The following LRP1 variants were observed in gnomAD, a reference collection of about 807,000 sequenced individuals.
LRP1 encodes LDL receptor related protein 1.
In LRP1, 51 loss-of-function variants were observed where a neutral mutation model predicts 541.5. That is an observed-to-expected ratio of 0.09 (90% CI 0.08 to 0.12). The LOEUF (loss-of-function observed/expected upper bound fraction) is 0.12. Ranked by LOEUF, LRP1 falls within the 10% of genes least tolerant of loss-of-function variation. LRP1 has a pLI of 1.00. For synonymous variants in LRP1, 2,219 were observed against 2,470.8 expected (o/e 0.90, Z 3.02); for missense variants, 3,878 against 6,376.2 (o/e 0.61, Z 13.34).
chr12:57,186,256 AG>A (rs2036269256), intron 41 of LRP1, among the ~76,000 whole-genome samples: 1 of 152,138 alleles, frequency 6.6e-6, no homozygotes, highest in African/African-American at 2.4e-5. Context: ...GCCAAGCCTG[AG>A]CCTTCTCATC....
Position 57,156,868 on chromosome 12 carries a change from C to G in LRP1, c.1509C>G (p.Thr503=), listed in dbSNP as rs1340566774. 6.3e-7 allele frequency: 1 copy of G among 1,599,690 alleles called. No individual in the cohort carries two copies. The highest frequency in any genetic ancestry group is 8.5e-7 in the Non-Finnish European group (1 of 1,174,070). The stretch of plus-strand genomic sequence containing the variant: ...TGGCCAACAGCCACAAGGCGCGGAC[C>G]TGCCGCTGCCGTTCCGGCTTCAGCC... ...CLLANSHKAR[T]CRCRSGFSLG... is the part of the protein sequence containing the mutation. Residue 503 remains threonine (T), a synonymous_variant, in exon 10 of 89, where the codon ACC becomes ACG. Coordinates refer to ENST00000243077, the MANE Select transcript of LRP1 (RefSeq NM_002332.3). The surrounding 1 kb of genome is among the most constrained non-coding windows in gnomAD (Gnocchi z 5.2).
Position 57,198,138 on chromosome 12 carries a change from C to T in LRP1, c.9283-18C>T. 1 of 1,591,456 alleles carries T rather than the reference C, an allele frequency of 6.3e-7. No homozygotes were observed. Among genetic ancestry groups the T allele is most frequent in the South Asian group, 1.1e-5 (1 of 90,500 alleles). On this transcript the variant is annotated intron_variant, in intron 58 of 88. Transcript: ENST00000243077. ...CCCAGGTCACCCAGAGCTCTCCCTC[C>T]CCTGCCCCTTCCTGCAGGTCCTACA...
At position 57,184,974 on chromosome 12, in the gene LRP1, A is replaced by G. The variant is rs2036239877; in HGVS notation, c.6322A>G (p.Ile2108Val). The G allele has an allele frequency of 1.2e-6, 2 of 1,614,114 alleles. No individual in the cohort carries two copies. Among genetic ancestry groups the G allele is most frequent in the South Asian group, 1.1e-5 (1 of 91,080 alleles). ...TTCAGTGTCTGTGTTTGAGGATTTC[A>G]TCTACTGGAGTGACAGGTGAGGGCT... ...MFSVSVFEDFIYWSDRTHANG... is the reference protein window; with the variant it reads ...MFSVSVFEDFVYWSDRTHANG... The change falls in exon 39 of 89, where the codon ATC (isoleucine) becomes GTC (valine). Residue 2108 changes from isoleucine (I) to valine (V), a missense_variant. Physicochemically the swap from Ile to Val is conservative, Grantham distance 29. Around this residue, in one of 13 missense-constraint regions of LRP1, gnomAD observed 1,100 missense variants for 1,827.4 expected, o/e 0.60. Transcript: ENST00000243077. The surrounding 1 kb of genome is among the most constrained non-coding windows in gnomAD (Gnocchi z 7.8).
Position 57,204,384 on chromosome 12 carries a change from T to A in LRP1, c.10952-26T>A. 2.6e-6 allele frequency: 4 copies of A among 1,512,634 alleles called. No individual in the cohort carries two copies. The highest frequency in any genetic ancestry group is 3.5e-6 in the Non-Finnish European group (4 of 1,129,628). 93.7% of individuals were successfully genotyped at this position (1,512,634 alleles called of 1,614,324 possible). A position where few individuals can be genotyped will look rare whatever the true frequency, so the allele number is the denominator to read the frequency against. ...GTCTGGGTGGGCTCATGGCTCATTC[T>A]ATCTCTTGGCTCCCCCTGGCACCAG... On this transcript the variant is annotated intron_variant, in intron 70 of 88. Transcript: ENST00000243077. This position sits in a 1 kb window ranked among gnomAD's most constrained non-coding sequence, Gnocchi z 5.3.
In LRP1 at chr12:57,144,818, G is replaced by A. The variant is rs2035366384; in HGVS notation, c.449-154G>A. On this transcript the variant is annotated intron_variant, in intron 4 of 88. Coordinates refer to ENST00000243077, the MANE Select transcript of LRP1 (RefSeq NM_002332.3). ...GATTCCAAGACTGGACTTGCTGGGT[G>A]TTAAGGTTTGCACATTTCATGCTGT... 6 of 735,306 alleles carry A rather than the reference G, an allele frequency of 8.2e-6. No individual in the cohort carries two copies. In the East Asian group the frequency reaches 1.3e-4, roughly 15 times the overall value. 45.5% of individuals were successfully genotyped at this position (735,306 alleles called of 1,614,324 possible). A position where few individuals can be genotyped will look rare whatever the true frequency, so the allele number is the denominator to read the frequency against.
intron 10 of LRP1, among the ~76,000 whole-genome samples, chr12:57,157,337 G>A (rs775740947): frequency 3.9e-5 from 6 of 152,230 alleles, no homozygotes; most frequent in Non-Finnish European, 7.3e-5. Context: ...ATAGTCAGGC[G>A]TGGTGGCTTA....
Position 57,212,211 on chromosome 12 carries a change from G to A in LRP1, c.13444G>A (p.Asp4482Asn). 2 of 1,613,978 alleles carry A rather than the reference G, an allele frequency of 1.2e-6. No individual in the cohort carries two copies. Among genetic ancestry groups the A allele is most frequent in the Non-Finnish European group, 1.7e-6 (2 of 1,180,022 alleles). ...CAAGATGTACGAAGGCGGAGAGCCT[G>A]ATGATGTGGGAGGCCTACTGGACGC... is the stretch of plus-strand genomic sequence containing the variant. ...TYKMYEGGEP[D>N]DVGGLLDADF... The change falls in exon 88 of 89, where the codon GAT becomes AAT. Residue 4482 changes from aspartate to asparagine, a missense_variant. Physicochemically the swap from Asp to Asn is conservative, Grantham distance 23. Around this residue, in one of 13 missense-constraint regions of LRP1, gnomAD observed 871 missense variants for 1,212.4 expected, o/e 0.72. Transcript: ENST00000243077. The surrounding 1 kb of genome is among the most constrained non-coding windows in gnomAD (Gnocchi z 5.0).
chr12:57,154,363 G>A lies in LRP1; in HGVS notation c.997G>A (p.Ala333Thr). The change falls in exon 7 of 89, where the codon GCC becomes ACC. Residue 333 changes from alanine to threonine, a missense_variant. This residue lies in a region of LRP1 where 496 missense variants were observed against 861.0 expected (regional missense o/e 0.58). Transcript: ENST00000243077. This position sits in a 1 kb window ranked among gnomAD's most constrained non-coding sequence, Gnocchi z 4.6. Reference protein sequence around the residue: ...YNPKGIALDPAMGKVFFTDYG... With the variant: ...YNPKGIALDPTMGKVFFTDYG... ...CCCCAAGGGCATTGCCCTGGACCCT[G>A]CCATGGGGTGAGAGTGGCAGGCGGG... 1 of 1,609,498 alleles carries A rather than the reference G, an allele frequency of 6.2e-7. No individual in the cohort carries two copies. Among genetic ancestry groups the A allele is most frequent in the South Asian group, 1.1e-5 (1 of 91,014 alleles).
chr12:57,193,990 C>A lies in LRP1; in HGVS notation c.7896C>A (p.Asp2632Glu), dbSNP rs149099223. 1,158 of 1,614,184 alleles carry A rather than the reference C, an allele frequency of 7.2e-4. 4 individuals are homozygous for A. The highest frequency in any genetic ancestry group is 1.2e-3 in the Admixed American group (74 of 60,024). Residue 2632 changes from aspartate (D) to glutamate (E), a missense_variant, in exon 48 of 89, where the codon GAC becomes GAA. Asp to Glu is a conservative substitution (Grantham distance 45). Transcript: ENST00000243077. ...SRCNQFVDCE[D>E]ASDEMNCSAT... is the part of the protein sequence containing the mutation. ...GCAACCAGTTTGTGGATTGTGAGGA[C>A]GCCTCAGATGAGATGAACTGCAGTG...
rs752770422 is a variant in LRP1 at position 57,159,941 on chromosome 12, C to T, written c.1915C>T (p.Arg639Cys). 18 of 1,614,006 alleles carry T rather than the reference C, an allele frequency of 1.1e-5. No individual in the cohort carries two copies. The highest frequency in any genetic ancestry group is 2.2e-5 in the South Asian group (2 of 91,090). The part of the protein sequence containing the change: ...VARLEKAAQT[R>C]KTLIEGKMTH... ...CAGGCTGGAGAAAGCTGCTCAGACC[C>T]GCAAGACTTTAATCGAGGGCAAAAT... Residue 639 changes from arginine (R) to cysteine (C), a missense_variant, in exon 12 of 89, where the codon CGC (arginine) becomes TGC (cysteine). By Grantham distance (180) the Arg-to-Cys change is radical. Transcript: ENST00000243077.
At position 57,166,108 on chromosome 12, in the gene LRP1, G is replaced by A; in HGVS notation, c.2696G>A (p.Arg899Gln). The A allele has an allele frequency of 6.2e-7, 1 of 1,614,206 alleles. No homozygotes were observed. Among genetic ancestry groups the A allele is most frequent in the Non-Finnish European group, 8.5e-7 (1 of 1,180,046 alleles). Residue 899 changes from arginine to glutamine, a missense_variant, in exon 17 of 89, where the codon CGA becomes CAA. Around this residue, in one of 13 missense-constraint regions of LRP1, gnomAD observed 496 missense variants for 861.0 expected, o/e 0.58. Transcript: ENST00000243077. ...GATCAGCACACCTGCCCCTCGGACC[G>A]ATTCAAGTGCGAGAACAACCGGTGC... ...LCHQHTCPSD[R>Q]FKCENNRCIP...
chr12:57,193,927 C>T lies in LRP1; in HGVS notation c.7833C>T (p.Arg2611=), dbSNP rs754484335. The change falls in exon 48 of 89, where the codon CGC becomes CGT. Residue 2611 remains arginine, a synonymous_variant. Coordinates refer to ENST00000243077, the MANE Select transcript of LRP1 (RefSeq NM_002332.3). The part of the protein sequence containing the change: ...NKTACGVGEF[R]CRDGTCIGNS... The stretch of plus-strand genomic sequence containing the variant: ...CAGCCTGTGGTGTGGGCGAGTTCCG[C>T]TGCCGGGACGGGACCTGCATCGGGA... 1.9e-6 allele frequency: 3 copies of T among 1,614,030 alleles called. No homozygotes were observed. The highest frequency in any genetic ancestry group is 4.5e-5 in the East Asian group (2 of 44,896).
chr12:57,160,551 C>G (rs1299579145), intron 12 of LRP1, among the ~76,000 whole-genome samples: 1 of 152,142 alleles, frequency 6.6e-6, no homozygotes, highest in Non-Finnish European at 1.5e-5. Context: ...GCAGCCCGGT[C>G]ACTCTCCACC....
Position 57,173,669 on chromosome 12 carries a change from C to A in LRP1, c.3347-111C>A. ...AAAGCCTCGGGGTTCCTCGTGGACCCCACAGCGTTGCAATCCTGACCCTAT... is the reference window on the plus strand; with the variant it reads ...AAAGCCTCGGGGTTCCTCGTGGACCACACAGCGTTGCAATCCTGACCCTAT... On this transcript the variant is annotated intron_variant, in intron 21 of 88. Coordinates refer to ENST00000243077, the MANE Select transcript of LRP1 (RefSeq NM_002332.3). This position sits in a 1 kb window ranked among gnomAD's most constrained non-coding sequence, Gnocchi z 4.7. 1.7e-6 allele frequency: 2 copies of A among 1,175,328 alleles called. No individual in the cohort carries two copies. Among genetic ancestry groups the A allele is most frequent in the South Asian group, 2.6e-5 (2 of 77,176 alleles). 72.8% of individuals were successfully genotyped at this position (1,175,328 alleles called of 1,614,324 possible).
chr12:57,203,448 C>G lies in LRP1; in HGVS notation c.10878C>G (p.Ile3626Met). Residue 3626 changes from isoleucine to methionine, a missense_variant, in exon 70 of 89, where the codon ATC (isoleucine) becomes ATG (methionine). Ile to Met is a conservative substitution (Grantham distance 10, BLOSUM62 1). Around this residue, in one of 13 missense-constraint regions of LRP1, gnomAD observed 278 missense variants for 536.3 expected, o/e 0.52. Coordinates refer to ENST00000243077, the MANE Select transcript of LRP1 (RefSeq NM_002332.3). Reference sequence around the variant, plus strand: ...TCCAGTGCAAGAGCGGCCACTGCATCCCCCTGCGCTGGCGCTGTGACGCAG... The same window carrying G: ...TCCAGTGCAAGAGCGGCCACTGCATGCCCCTGCGCTGGCGCTGTGACGCAG... ...DQFQCKSGHCIPLRWRCDADA... is the reference protein window; with the variant it reads ...DQFQCKSGHCMPLRWRCDADA... 1 of 1,604,274 alleles carries G rather than the reference C, an allele frequency of 6.2e-7. No individual in the cohort carries two copies. Among genetic ancestry groups the G allele is most frequent in the Non-Finnish European group, 8.5e-7 (1 of 1,175,408 alleles).
rs1282315558 is a variant in LRP1, at chr12:57,195,378, G to A, written c.8416G>A (p.Glu2806Lys). 4 of 1,608,868 alleles carry A rather than the reference G, an allele frequency of 2.5e-6. No homozygotes were observed. The highest frequency in any genetic ancestry group is 1.1e-5 in the South Asian group (1 of 91,080). The part of the protein sequence containing the change: ...GDKDCADGAD[E>K]SIAAGCLYNS... ...CAAAGACTGTGCTGATGGTGCAGAC[G>A]AGAGCATCGCAGCTGGTTGCTGTGA... Residue 2806 changes from glutamate (E) to lysine (K), a missense_variant, in exon 52 of 89, where the codon GAG (glutamate) becomes AAG (lysine). Physicochemically the swap from Glu to Lys is moderately conservative, Grantham distance 56. This residue lies in a region of LRP1 where 1,100 missense variants were observed against 1,827.4 expected (regional missense o/e 0.60). Coordinates refer to ENST00000243077, the MANE Select transcript of LRP1 (RefSeq NM_002332.3).
At position 57,173,920 on chromosome 12, in the gene LRP1, G is replaced by A; in HGVS notation, c.3487G>A (p.Asp1163Asn). 8.1e-6 allele frequency: 13 copies of A among 1,614,232 alleles called. No individual in the cohort carries two copies. Among genetic ancestry groups the A allele is most frequent in the Non-Finnish European group, 1.0e-5 (12 of 1,180,050 alleles). ...CAACACCTCAGTCTGCCTGCCCCCT[G>A]ACAAGCTGTGTGATGGCAACGACGA... ...ANNTSVCLPP[D>N]KLCDGNDDCG... Residue 1163 changes from aspartate to asparagine, a missense_variant, in exon 22 of 89, where the codon GAC becomes AAC. By Grantham distance (23) the Asp-to-Asn change is conservative. This residue lies in a region of LRP1 where 320 missense variants were observed against 547.9 expected (regional missense o/e 0.58). Transcript: ENST00000243077. The surrounding 1 kb of genome is among the most constrained non-coding windows in gnomAD (Gnocchi z 4.7).
chr12:57,181,674 G>C (rs1565737733), intron 34 of LRP1, among the ~76,000 whole-genome samples: 1 of 152,184 alleles, frequency 6.6e-6, no homozygotes, highest in Non-Finnish European at 1.5e-5. Context: ...CGGGGCTCCT[G>C]TGTTCTGAGC....
rs2035748378 is a variant in LRP1, at chr12:57,162,142, G to C, written c.2203-175G>C. ...ATCACTCGATCACCCGCTGGCTTCA[G>C]GATCTACCATCCCACTGTGTGCAAA... On this transcript the variant is annotated intron_variant, in intron 13 of 88. Transcript: ENST00000243077. This position sits in a 1 kb window ranked among gnomAD's most constrained non-coding sequence, Gnocchi z 5.2. Among the ~76,000 whole-genome samples, 2 of 152,130 alleles carry C rather than the reference G, an allele frequency of 1.3e-5. No homozygotes were observed. The highest frequency in any genetic ancestry group is 4.1e-4 in the South Asian group (2 of 4,828).
Sources: gnomAD v4.1 joint callset for allele counts (sites outside exome capture counted in the v4.1 genomes callset) on GRCh38, gnomAD v4.1.1 for gene constraint, gnomAD v4.1.1 regional missense constraint, Gnocchi (gnomAD v3.1) non-coding constraint, MANE v1.5 for transcripts, NCBI Gene and HGNC (gene_info 2026-07-23, HGNC 2026-07-21) for gene names.